FCER1A: variants seen among roughly 807,000 people sequenced by gnomAD.
The protein encoded by FCER1A is high affinity immunoglobulin epsilon receptor subunit alpha.
In FCER1A, 24 loss-of-function variants were observed where a neutral mutation model predicts 23.6. The observed-to-expected ratio is 1.02, with a 90% CI of 0.74 to 1.43. FCER1A has a LOEUF of 1.43. Among genes scored for constraint, FCER1A ranks in the 40% most tolerant of loss-of-function variants. FCER1A has a pLI of 0.00. For missense variants in FCER1A, 318 were observed against 294.5 expected (o/e 1.08, Z -0.58); for synonymous variants, 121 against 108.8 (o/e 1.11, Z -0.70).
At chr1:159,296,805 A>C (rs1652303225) in intron 1 of FCER1A, among the ~76,000 whole-genome samples, 1 of 152,140 alleles carries the variant, frequency 6.6e-6, no homozygotes. Context: ...TCATGCATAA[A>C]CTTACATTTC....
At chr1:159,296,881 T>A (rs1396036361) in intron 1 of FCER1A, among the ~76,000 whole-genome samples, 1 of 152,066 alleles carries the variant, frequency 6.6e-6, no homozygotes, top group Non-Finnish European at 1.5e-5. Context: ...GTCCTGCCCC[T>A]CCCACTGTTC....
chr1:159,291,507 A>G (rs1652152939), intron 1 of FCER1A, among the ~76,000 whole-genome samples: 1 of 152,208 alleles, frequency 6.6e-6, no homozygotes, highest in Non-Finnish European at 1.5e-5. Flanking sequence ...AATGTATGTT[A>G]CATGTTATGG....
In FCER1A at chr1:159,304,059, C is replaced by T; in HGVS notation, c.208C>T (p.Leu70Phe). Residue 70 changes from leucine to phenylalanine, a missense_variant, in exon 3 of 5, where the codon CTT becomes TTT. By Grantham distance (22) the Leu-to-Phe change is conservative. Transcript: ENST00000693622. ...CACCAAATGGTTCCACAATGGCAGC[C>T]TTTCAGAAGAGACAAATTCAAGTTT... ...SSTKWFHNGS[L>F]SEETNSSLNI... is the part of the protein sequence containing the mutation. 6.8e-6 allele frequency: 11 copies of T among 1,614,146 alleles called. No homozygotes were observed. The highest frequency in any genetic ancestry group is 1.1e-5 in the South Asian group (1 of 91,080).
chr1:159,306,169 T>A lies in FCER1A; in HGVS notation c.513T>A (p.Ser171Arg), dbSNP rs1430282484. ...TTACAAATGCCACAGTTGAAGACAG[T>A]GGAACCTACTACTGTACGGGCAAAG... is the stretch of plus-strand genomic sequence containing the variant. ...ISITNATVED[S>R]GTYYCTGKVW... Residue 171 changes from serine to arginine, a missense_variant, in exon 4 of 5, where the codon AGT becomes AGA. Transcript: ENST00000693622. 6.2e-7 allele frequency: 1 copy of A among 1,613,998 alleles called. No homozygotes were observed. Among genetic ancestry groups the A allele is most frequent in the South Asian group, 1.1e-5 (1 of 91,088 alleles).
upstream of FCER1A, among the ~76,000 whole-genome samples, chr1:159,298,766 G>A (rs1011565557): frequency 6.6e-6 from 1 of 152,176 alleles, no homozygotes; most frequent in Non-Finnish European, 1.5e-5. Context: ...TACCAACATT[G>A]TGTGGCTGTG....
intron 1 of FCER1A, among the ~76,000 whole-genome samples, chr1:159,296,124 G>A (rs1055713646): frequency 3.3e-5 from 5 of 152,026 alleles, no homozygotes; most frequent in Non-Finnish European, 4.4e-5. Context: ...TTGTCAGCTG[G>A]TATATTTTTA....
chr1:159,300,172 C>T (rs1039914812), upstream of FCER1A, among the ~76,000 whole-genome samples: 10 of 152,168 alleles, frequency 6.6e-5, no homozygotes, highest in Non-Finnish European at 1.5e-4. Context: ...AGTGGCCTCC[C>T]TAACTCCAAA....
At position 159,303,965 on chromosome 1, in the gene FCER1A, G is replaced by A. The variant is rs151174911; in HGVS notation, c.114G>A (p.Trp38Ter). ...QKPKVSLNPP[W>*]NRIFKGENVT... The stretch of plus-strand genomic sequence containing the variant: ...CTAAGGTCTCCTTGAACCCTCCATG[G>A]AATAGAATATTTAAAGGAGAGAATG... The change falls in exon 3 of 5, where the codon TGG becomes TGA. Residue 38 changes from tryptophan (W) to a stop codon, truncating the protein, a stop_gained. Transcript: ENST00000693622. LOFTEE classifies it high-confidence loss of function. The A allele has an allele frequency of 6.2e-7, 1 of 1,611,462 alleles. No individual in the cohort carries two copies. Among genetic ancestry groups the A allele is most frequent in the Non-Finnish European group, 8.5e-7 (1 of 1,177,654 alleles).
At chr1:159,300,265 G>A (rs992480997), upstream of FCER1A, among the ~76,000 whole-genome samples, 2 of 152,068 alleles carry the variant, frequency 1.3e-5, no homozygotes, top group African/African-American at 2.4e-5. Flanking sequence ...TTTAGATAAC[G>A]ACTTCAGAGG....
At position 159,307,959 on chromosome 1, in the gene FCER1A, C is replaced by T; in HGVS notation, c.*27C>T. 4 of 1,549,728 alleles carry T rather than the reference C, an allele frequency of 2.6e-6. No homozygotes were observed. Among genetic ancestry groups the T allele is most frequent in the Non-Finnish European group, 3.5e-6 (4 of 1,134,448 alleles). On this transcript the variant is annotated 3_prime_UTR_variant, in exon 5 of 5. Transcript: ENST00000693622. ...ATAATTACTCAAGAAATATTTGCAA[C>T]ATTAGTTTTTTTCCAGCATCAGCAA...
chr1:159,297,175 C>G (rs1316632864), intron 1 of FCER1A, among the ~76,000 whole-genome samples: 1 of 152,156 alleles, frequency 6.6e-6, no homozygotes, highest in Non-Finnish European at 1.5e-5. Flanking sequence ...GGGGATTTCT[C>G]TGTCTCGTAC....
At position 159,307,737 on chromosome 1, in the gene FCER1A, T is replaced by C; in HGVS notation, c.590-11T>C. On this transcript the variant is annotated splice_polypyrimidine_tract_variant and intron_variant, in intron 4 of 4. Coordinates refer to ENST00000693622, the MANE Select transcript of FCER1A (RefSeq NM_001387280.1). ...AATTATGTTTCTCATTGCATCTGTG[T>C]TCCACTACAGCTCCGCGTGAGAAGT... 6.3e-7 allele frequency: 1 copy of C among 1,576,448 alleles called. No homozygotes were observed. Among genetic ancestry groups the C allele is most frequent in the African/African-American group, 1.3e-5 (1 of 74,494 alleles).
chr1:159,284,856 G>T (rs367643027), upstream of FCER1A, among the ~76,000 whole-genome samples: 3 of 151,882 alleles, frequency 2.0e-5, no homozygotes, highest in Non-Finnish European at 4.4e-5. Context: ...TGAAACTTTC[G>T]CATATCAATA....
the FCER1A span, among the ~76,000 whole-genome samples, chr1:159,283,816 T>C: frequency 6.6e-6 from 1 of 152,114 alleles, no homozygotes; most frequent in African/African-American, 2.4e-5. Context: ...TGTATATTTA[T>C]TTTCCCCAAG....
upstream of FCER1A, among the ~76,000 whole-genome samples, chr1:159,302,136 G>T (rs1334003506): frequency 6.6e-6 from 1 of 152,190 alleles, no homozygotes; most frequent in African/African-American, 2.4e-5. Flanking sequence ...CAGATTCCAG[G>T]TGTATATGTG....
the FCER1A span, among the ~76,000 whole-genome samples, chr1:159,283,598 AG>A: frequency 6.6e-6 from 1 of 152,230 alleles, no homozygotes; most frequent in Non-Finnish European, 1.5e-5. Context: ...GTCTACTCAG[AG>A]AAAGCAGGTG....
At chr1:159,301,916 C>T (rs574924557), upstream of FCER1A, among the ~76,000 whole-genome samples, 1 of 152,274 alleles carries the variant, frequency 6.6e-6, no homozygotes, top group Non-Finnish European at 1.5e-5. Context: ...ATAGTATGTA[C>T]TTTATAGGAT....
the FCER1A span, among the ~76,000 whole-genome samples, chr1:159,284,646 A>G: frequency 6.6e-6 from 1 of 152,248 alleles, no homozygotes; most frequent in Admixed American, 6.5e-5. Context: ...AGAAATCAAC[A>G]TCATTAACAT....
chr1:159,302,931 TCTCA>T, intron 2 of FCER1A, 57 bp downstream of exon 2: 2 of 1,516,584 alleles, frequency 1.3e-6, no homozygotes, highest in Non-Finnish European at 1.8e-6. Flanking sequence ...ATTGCTTTCC[TCTCA>T]CTATTTTCTT....
Sources: allele counts gnomAD v4.1 joint callset (sites outside exome capture counted in the v4.1 genomes callset), GRCh38; gene constraint gnomAD v4.1.1; transcripts MANE v1.5; gene names NCBI Gene and HGNC (gene_info 2026-07-23, HGNC 2026-07-21).